CNTN5: variants seen among roughly 807,000 people sequenced by gnomAD.
The protein encoded by CNTN5 is contactin 5.
A neutral mutation model predicts 129.1 loss-of-function variants in CNTN5; 77 were observed. The ratio of observed to expected loss-of-function variants is 0.60; its 90% CI spans 0.50 to 0.72. CNTN5 has a LOEUF of 0.72. CNTN5 is among the 30% of genes least tolerant of loss of function. The pLI, the probability that CNTN5 is intolerant of heterozygous loss-of-function variation, is 0.00. For synonymous variants in CNTN5, 509 were observed against 465.6 expected (o/e 1.09, Z -1.20); for missense variants, 1,478 against 1,328.8 (o/e 1.11, Z -1.75).
intron 2 of CNTN5, among the ~76,000 whole-genome samples, chr11:99,395,425 T>C (rs1040780615): frequency 2.0e-5 from 3 of 151,982 alleles, no homozygotes; most frequent in African/African-American, 4.8e-5. Context: ...AAGTTCCTTA[T>C]AGATGCTGGA....
intron 3 of CNTN5, among the ~76,000 whole-genome samples, chr11:99,569,044 C>T (rs572352865): frequency 2.6e-5 from 4 of 152,094 alleles, no homozygotes; most frequent in East Asian, 1.9e-4. Flanking sequence ...GCTTTAACCT[C>T]TCTGTGGCTC....
At chr11:99,490,058 T>C (rs1945976139) in intron 2 of CNTN5, among the ~76,000 whole-genome samples, 1 of 152,192 alleles carries the variant, frequency 6.6e-6, no homozygotes, top group East Asian at 1.9e-4. Context: ...TTAGATTTCT[T>C]ATTTAGTAAT....
chr11:100,086,849 A>T (rs1944576744), intron 13 of CNTN5, among the ~76,000 whole-genome samples: 1 of 151,560 alleles, frequency 6.6e-6, no homozygotes, highest in Non-Finnish European at 1.5e-5. Context: ...CAGAGTGGGG[A>T]ATCTCAAATA....
chr11:99,218,174 C>T (rs567518657), intron 1 of CNTN5, among the ~76,000 whole-genome samples: 5 of 152,096 alleles, frequency 3.3e-5, no homozygotes, highest in South Asian at 4.2e-4. Context: ...AGGTTATTTT[C>T]GTAGTTCTAT....
intron 1 of CNTN5, chr11:99,120,504 C>T (rs151098326): frequency 6.6e-6 from 1 of 152,176 alleles, no homozygotes; most frequent in South Asian, 2.1e-4. Context: ...AACGGAGGAC[C>T]ACTGCATTCT....
intron 3 of CNTN5, among the ~76,000 whole-genome samples, chr11:99,730,110 TCC>T (rs1288812091): frequency 6.6e-6 from 1 of 152,106 alleles, no homozygotes; most frequent in Non-Finnish European, 1.5e-5. Context: ...TCCCATGCAC[TCC>T]CCACACCTAG....
chr11:100,065,849 T>C (rs1943673243), intron 10 of CNTN5, among the ~76,000 whole-genome samples: 1 of 152,162 alleles, frequency 6.6e-6, no homozygotes, highest in Non-Finnish European at 1.5e-5. Flanking sequence ...TTAGTTTTTG[T>C]TCTTTTTTCT....
chr11:99,431,861 G>A (rs113768029), intron 2 of CNTN5, among the ~76,000 whole-genome samples: 128 of 152,214 alleles, frequency 8.4e-4, no homozygotes, highest in African/African-American at 2.9e-3. Context: ...CAAGAGGGAG[G>A]GCATGGTCAC....
intron 1 of CNTN5, among the ~76,000 whole-genome samples, chr11:99,303,679 G>A (rs1864743892): frequency 6.6e-6 from 1 of 151,956 alleles, no homozygotes; most frequent in Non-Finnish European, 1.5e-5. Flanking sequence ...CTGTATTCAA[G>A]TACTTGAGAA....
chr11:99,307,592 G>A lies in CNTN5; in HGVS notation c.-209-17754G>A, dbSNP rs181005422. 7.0e-3 allele frequency among the ~76,000 whole-genome samples: 1,065 copies of A among 152,130 alleles called. 9 individuals carry two copies. The highest frequency in any genetic ancestry group is 0.011 in the Non-Finnish European group (750 of 67,992). On this transcript the variant is annotated intron_variant, in intron 1 of 24. Transcript: ENST00000524871. ...ACAGTCTTCTGTTTGTTGAATCAGA[G>A]CTCTAATATCATGATTCAATCTGTG...
At chr11:99,849,186 A>G (rs965340801) in intron 6 of CNTN5, among the ~76,000 whole-genome samples, 1 of 151,652 alleles carries the variant, frequency 6.6e-6, no homozygotes, top group African/African-American at 2.4e-5. Flanking sequence ...ACTAACAATT[A>G]TTATACATAT....
At chr11:99,210,079 T>C (rs568813972) in intron 1 of CNTN5, among the ~76,000 whole-genome samples, 8 of 152,246 alleles carry the variant, frequency 5.3e-5, no homozygotes, top group Non-Finnish European at 8.8e-5. Flanking sequence ...GAAAAGACAA[T>C]AATGTCTTTT....
intron 1 of CNTN5, among the ~76,000 whole-genome samples, chr11:99,298,043 A>T (rs1440752889): frequency 6.6e-6 from 1 of 152,132 alleles, no homozygotes; most frequent in African/African-American, 2.4e-5. Flanking sequence ...GAAATCTGAG[A>T]GGGAGCTTAT....
chr11:99,877,391 A>T (rs1321386899), intron 6 of CNTN5, among the ~76,000 whole-genome samples: 1 of 152,146 alleles, frequency 6.6e-6, no homozygotes, highest in Non-Finnish European at 1.5e-5. Flanking sequence ...CCAGTATATC[A>T]ACAGTGACAT....
chr11:99,029,937 T>G (rs1411350497), intron 1 of CNTN5, among the ~76,000 whole-genome samples: 1 of 152,172 alleles, frequency 6.6e-6, no homozygotes, highest in Non-Finnish European at 1.5e-5. Context: ...TATGACTGTG[T>G]GAGTTAGGAG....
At chr11:100,019,370 G>A (rs1941004680) in intron 9 of CNTN5, among the ~76,000 whole-genome samples, 1 of 151,764 alleles carries the variant, frequency 6.6e-6, no homozygotes, top group South Asian at 2.1e-4. Flanking sequence ...ATCAAACTTG[G>A]TCATCACCAT....
Position 100,036,985 on chromosome 11 carries a change from C to T in CNTN5, c.981-24227C>T, listed in dbSNP as rs996788270. ...TCCCTTCTCCTGCCTGATTGCCCTG[C>T]CCAGAACTTCCAACACTATGTTGAA... On this transcript the variant is annotated intron_variant, in intron 9 of 24. Coordinates refer to ENST00000524871, the MANE Select transcript of CNTN5 (RefSeq NM_014361.4). Among the ~76,000 whole-genome samples, 16 of 150,740 alleles carry T rather than the reference C, an allele frequency of 1.1e-4. No homozygotes were observed. In the South Asian group the frequency reaches 2.3e-3, roughly 22 times the overall value.
At chr11:99,365,347 CAAAAT>C (rs1483259342) in intron 2 of CNTN5, among the ~76,000 whole-genome samples, 3 of 152,080 alleles carry the variant, frequency 2.0e-5, no homozygotes, top group Non-Finnish European at 4.4e-5. Context: ...TTCAAACAGA[CAAAAT>C]AGAGTCTTTC....
intron 6 of CNTN5, among the ~76,000 whole-genome samples, chr11:99,884,790 A>G (rs1042242494): frequency 6.6e-6 from 1 of 152,178 alleles, no homozygotes; most frequent in Non-Finnish European, 1.5e-5. Context: ...CAGCCTGACC[A>G]AAATGGTGAA....
Sources: gnomAD v4.1 joint callset for allele counts (sites outside exome capture counted in the v4.1 genomes callset) on GRCh38, gnomAD v4.1.1 for gene constraint, MANE v1.5 for transcripts, NCBI Gene and HGNC (gene_info 2026-07-23, HGNC 2026-07-21) for gene names.